SNX8: variants seen among roughly 807,000 people sequenced by gnomAD.
SNX8 encodes sorting nexin-8.
A neutral mutation model predicts 51.6 loss-of-function variants in SNX8; 25 were observed. The ratio of observed to expected loss-of-function variants is 0.48; its 90% CI spans 0.35 to 0.68. SNX8 has a LOEUF of 0.68. Ranked by LOEUF, SNX8 falls within the 30% of genes least tolerant of loss-of-function variation. The probability of loss-of-function intolerance (pLI) is 0.00; values close to 1 mark genes in which losing one functional copy is unlikely to be tolerated. For missense variants in SNX8, 695 were observed against 624.0 expected (o/e 1.11, Z -1.21); for synonymous variants, 324 against 277.0 (o/e 1.17, Z -1.68).
intron 1 of SNX8, among the ~76,000 whole-genome samples, chr7:2,353,141 T>C (rs1342218592): frequency 6.6e-6 from 1 of 151,890 alleles, no homozygotes; most frequent in African/African-American, 2.4e-5. Flanking sequence ...ATAAAGAAAT[T>C]AGCTGGGCAC....
chr7:2,255,223 C>T, intron 10 of SNX8, 54 bp from the exon 11 acceptor site: 1 of 1,163,146 alleles, frequency 8.6e-7, no homozygotes, highest in Non-Finnish European at 1.2e-6. Flanking sequence ...GGCTCCTCCT[C>T]ACGCTCTGAT....
intron 2 of SNX8, among the ~76,000 whole-genome samples, chr7:2,277,676 G>A (rs1344517520): frequency 2.0e-5 from 3 of 151,996 alleles, no homozygotes; most frequent in Non-Finnish European, 2.9e-5. Context: ...GCGTGGTGGC[G>A]GGCACCTGTC....
intron 1 of SNX8, among the ~76,000 whole-genome samples, chr7:2,291,969 A>C (rs1796160761): frequency 6.6e-6 from 1 of 152,158 alleles, no homozygotes; most frequent in Non-Finnish European, 1.5e-5. Context: ...CCACCTTCAA[A>C]AGCATGAGGC....
At chr7:2,303,503 GGA>G (rs2115189742) in intron 1 of SNX8, among the ~76,000 whole-genome samples, 1 of 152,366 alleles carries the variant, frequency 6.6e-6, no homozygotes, top group African/African-American at 2.4e-5. Context: ...GCGGTTTTGT[GGA>G]ATAGAAGGGC....
At chr7:2,346,748 A>AC (rs1293177870) in intron 1 of SNX8, among the ~76,000 whole-genome samples, 43 of 149,360 alleles carry the variant, frequency 2.9e-4, no homozygotes, top group Non-Finnish European at 4.8e-4. Context: ...AAAAAAAAAA[A>AC]AAAAAAAAAA....
At position 2,269,233 on chromosome 7, in the gene SNX8, C is replaced by A. The variant is rs564812038; in HGVS notation, c.621+326G>T. 6.0e-5 allele frequency among the ~76,000 whole-genome samples: 9 copies of A among 148,992 alleles called. 1 individual carries two copies. The highest frequency in any genetic ancestry group is 1.4e-4 in the Non-Finnish European group (9 of 66,566). On this transcript the variant is annotated intron_variant, in intron 5 of 10. Coordinates refer to ENST00000222990, the MANE Select transcript of SNX8 (RefSeq NM_013321.4). ...TCCTGTTGATCTGTGACCTTACCCC[C>A]AACCCTGTGCTGTGTCCACTCAGGG... is the stretch of plus-strand genomic sequence containing the variant.
At chr7:2,257,611 C>A (rs773938390) in intron 8 of SNX8, 97 bp from the exon 9 acceptor site, 3 of 1,559,950 alleles carry the variant, frequency 1.9e-6, no homozygotes, top group African/African-American at 1.4e-5. Flanking sequence ...GACGGAAGGC[C>A]CCGTCTTCCC....
At chr7:2,332,753 AGG>A (rs1778759425) in intron 1 of SNX8, among the ~76,000 whole-genome samples, 1 of 149,442 alleles carries the variant, frequency 6.7e-6, no homozygotes. Flanking sequence ...AAAGGAAGGA[AGG>A]AAGGAAGGAA....
intron 1 of SNX8, among the ~76,000 whole-genome samples, chr7:2,298,341 T>G (rs1181959782): frequency 6.6e-6 from 1 of 152,002 alleles, no homozygotes; most frequent in East Asian, 1.9e-4. Context: ...CTCTGAACTT[T>G]TCTTTTTCGT....
At chr7:2,289,828 C>T (rs1013969305) in intron 1 of SNX8, among the ~76,000 whole-genome samples, 1 of 152,114 alleles carries the variant, frequency 6.6e-6, no homozygotes, top group African/African-American at 2.4e-5. Flanking sequence ...GAGGGTGAGG[C>T]GGAGGCTACA....
chr7:2,293,673 A>G (rs1796205342), intron 1 of SNX8, among the ~76,000 whole-genome samples: 1 of 151,594 alleles, frequency 6.6e-6, no homozygotes. Context: ...AAAATTAAAA[A>G]AAGAGGCCAG....
At chr7:2,350,340 C>G (rs1051936405) in intron 1 of SNX8, among the ~76,000 whole-genome samples, 2 of 152,166 alleles carry the variant, frequency 1.3e-5, no homozygotes, top group African/African-American at 4.8e-5. Flanking sequence ...CCAGGTCAGG[C>G]TTCCCCAAGG....
At chr7:2,255,526 G>A (rs996239531) in intron 10 of SNX8, among the ~76,000 whole-genome samples, 1 of 152,200 alleles carries the variant, frequency 6.6e-6, no homozygotes, top group African/African-American at 2.4e-5. Context: ...GCCTTGGCAG[G>A]TCAAACACCA....
intron 1 of SNX8, among the ~76,000 whole-genome samples, chr7:2,340,449 G>T (rs1394155965): frequency 4.1e-5 from 6 of 146,398 alleles, no homozygotes; most frequent in Admixed American, 6.9e-5. Flanking sequence ...CTTTTTTTTT[G>T]GAATTTTCAA....
chr7:2,340,238 AT>A (rs773460984), intron 1 of SNX8, among the ~76,000 whole-genome samples: 256 of 143,950 alleles, frequency 1.8e-3, no homozygotes, highest in South Asian at 5.5e-3. Flanking sequence ...AATTTTCATA[AT>A]TTTTTTTTTT....
At chr7:2,351,833 A>T (rs561840502) in intron 1 of SNX8, among the ~76,000 whole-genome samples, 173 of 151,804 alleles carry the variant, frequency 1.1e-3, no homozygotes, top group Non-Finnish European at 2.0e-3. Context: ...TCCATCTCAA[A>T]AAATAAATAA....
At chr7:2,255,260 G>C (rs1331663800) in intron 10 of SNX8, 91 bp from the exon 11 acceptor site, 2 of 803,112 alleles carry the variant, frequency 2.5e-6, no homozygotes, top group Non-Finnish European at 1.9e-6. Flanking sequence ...GCCAGTGACA[G>C]GGAGGGAGGG....
At chr7:2,335,498 G>C (rs774449994) in intron 1 of SNX8, among the ~76,000 whole-genome samples, 2 of 151,182 alleles carry the variant, frequency 1.3e-5, no homozygotes, top group African/African-American at 2.4e-5. Context: ...AAAAAAGAAA[G>C]AAACAATATG....
chr7:2,336,860 T>A (rs1299336415), intron 1 of SNX8, among the ~76,000 whole-genome samples: 1 of 150,110 alleles, frequency 6.7e-6, no homozygotes, highest in Non-Finnish European at 1.5e-5. Flanking sequence ...AACAAAAAAA[T>A]GAGCTGGGCA....
Sources: allele counts gnomAD v4.1 joint callset (sites outside exome capture counted in the v4.1 genomes callset), GRCh38; gene constraint gnomAD v4.1.1; transcripts MANE v1.5; gene names NCBI Gene and HGNC (gene_info 2026-07-23, HGNC 2026-07-21).